The following VAV3 variants were observed in gnomAD, a reference collection of about 807,000 sequenced individuals.
VAV3 encodes vav guanine nucleotide exchange factor 3.
Under a neutral mutation model 131.2 loss-of-function variants are expected in VAV3, and 94 were observed. The ratio of observed to expected loss-of-function variants is 0.72; its 90% confidence interval spans 0.61 to 0.85. The LOEUF (loss-of-function observed/expected upper bound fraction) is 0.85. Among genes scored for constraint, VAV3 ranks in the 40% least tolerant of loss-of-function variants. VAV3 has a pLI of 0.00. For synonymous variants in VAV3, 349 were observed against 342.0 expected (o/e 1.02, Z -0.22); for missense variants, 939 against 1,002.7 (o/e 0.94, Z 0.86).
chr1:107,730,897 A>G (rs562457365), intron 15 of VAV3, among the ~76,000 whole-genome samples: 3 of 152,190 alleles, frequency 2.0e-5, no homozygotes, highest in Non-Finnish European at 4.4e-5. Context: ...AAAGCCCCAG[A>G]TTGAGATGCA....
intron 1 of VAV3, among the ~76,000 whole-genome samples, chr1:107,917,407 C>T (rs1024522856): frequency 1.3e-5 from 2 of 152,152 alleles, no homozygotes; most frequent in African/African-American, 4.8e-5. Context: ...GATAAGGGAA[C>T]TAAGATTCAA....
chr1:107,597,373 TC>T (rs1457765480), intron 24 of VAV3, among the ~76,000 whole-genome samples: 3 of 152,110 alleles, frequency 2.0e-5, no homozygotes, highest in Admixed American at 6.5e-5. Context: ...AAAAAGAGAA[TC>T]ATCAATGATT....
chr1:107,754,620 CAAT>C, intron 12 of VAV3, among the ~76,000 whole-genome samples: 1 of 152,312 alleles, frequency 6.6e-6, no homozygotes, highest in East Asian at 1.9e-4. Flanking sequence ...ACTGCAGTCA[CAAT>C]AAAATCCCAA....
intron 12 of VAV3, among the ~76,000 whole-genome samples, chr1:107,753,530 A>G (rs937588678): frequency 1.4e-4 from 10 of 73,020 alleles, no homozygotes; most frequent in South Asian, 7.6e-4. Flanking sequence ...ATATATACGT[A>G]TATATATATA....
chr1:107,941,898 A>T (rs1276446884), intron 1 of VAV3, among the ~76,000 whole-genome samples: 1 of 152,294 alleles, frequency 6.6e-6, no homozygotes, highest in East Asian at 1.9e-4. Flanking sequence ...TATTTAAATA[A>T]ATCTTGTCAA....
At chr1:107,736,436 C>A (rs1662641089) in intron 15 of VAV3, among the ~76,000 whole-genome samples, 2 of 152,144 alleles carry the variant, frequency 1.3e-5, no homozygotes, top group South Asian at 4.1e-4. Context: ...TTGCAGATGA[C>A]ACGATTGTAT....
At chr1:107,636,291 A>G (rs2101449537) in intron 20 of VAV3, among the ~76,000 whole-genome samples, 1 of 152,332 alleles carries the variant, frequency 6.6e-6, no homozygotes, top group East Asian at 1.9e-4. Flanking sequence ...GAAACTCCAC[A>G]GTGGAGATGG....
chr1:107,658,965 T>C (rs998542322), intron 19 of VAV3, among the ~76,000 whole-genome samples: 1 of 152,182 alleles, frequency 6.6e-6, no homozygotes, highest in African/African-American at 2.4e-5. Flanking sequence ...TAGATCCCAT[T>C]TGTCAATTTT....
At chr1:107,839,029 A>G (rs1012402448) in intron 2 of VAV3, among the ~76,000 whole-genome samples, 3 of 152,120 alleles carry the variant, frequency 2.0e-5, no homozygotes, top group African/African-American at 7.2e-5. Context: ...ATTCCTTTGT[A>G]CTCTAAATCT....
intron 19 of VAV3, among the ~76,000 whole-genome samples, chr1:107,643,552 A>G (rs947268121): frequency 1.3e-5 from 2 of 152,156 alleles, no homozygotes; most frequent in African/African-American, 4.8e-5. Flanking sequence ...CCCAACTAAG[A>G]GAGGTCCACT....
intron 1 of VAV3, among the ~76,000 whole-genome samples, chr1:107,902,402 A>G (rs1373557637): frequency 6.6e-6 from 1 of 152,234 alleles, no homozygotes; most frequent in African/African-American, 2.4e-5. Flanking sequence ...ATTTGTCTAC[A>G]TATGATGATT....
At chr1:107,729,876 A>G (rs754855864) in intron 15 of VAV3, among the ~76,000 whole-genome samples, 2 of 152,248 alleles carry the variant, frequency 1.3e-5, no homozygotes, top group Non-Finnish European at 2.9e-5. Flanking sequence ...ATTTTATTTT[A>G]GAGATCATTA....
At chr1:107,621,897 G>A (rs1009214837) in intron 20 of VAV3, among the ~76,000 whole-genome samples, 7 of 152,062 alleles carry the variant, frequency 4.6e-5, no homozygotes, top group African/African-American at 1.7e-4. Flanking sequence ...ACTATGTGAT[G>A]AGACTTTTGT....
intron 1 of VAV3, among the ~76,000 whole-genome samples, chr1:107,917,981 TAATAG>T (rs1344908329): frequency 3.3e-5 from 5 of 152,194 alleles, no homozygotes; most frequent in Non-Finnish European, 7.3e-5. Flanking sequence ...AAAAGGGTAG[TAATAG>T]AATAGAATAA....
intron 2 of VAV3, among the ~76,000 whole-genome samples, chr1:107,825,144 T>C (rs965325732): frequency 2.0e-5 from 3 of 152,180 alleles, no homozygotes; most frequent in Non-Finnish European, 4.4e-5. Context: ...GCAGATACTA[T>C]ATGGCCGAAC....
At chr1:107,907,253 A>C (rs1296676135) in intron 1 of VAV3, among the ~76,000 whole-genome samples, 1 of 152,230 alleles carries the variant, frequency 6.6e-6, no homozygotes, top group East Asian at 1.9e-4. Flanking sequence ...AGAGCAAATC[A>C]CTGATATAAG....
In VAV3 at chr1:107,669,208, A is replaced by G. The variant is rs554336321; in HGVS notation, c.1777+14280T>C. 15 of 1,159,284 alleles carry G rather than the reference A, an allele frequency of 1.3e-5. No homozygotes were observed. The African/African-American group carries it at 2.3e-4, about 18-fold the overall frequency. The allele number at this position is 1,159,284 out of a possible 1,614,324, so 71.8% of individuals were successfully genotyped here. On this transcript the variant is annotated intron_variant, in intron 19 of 26. Coordinates refer to ENST00000370056, the MANE Select transcript of VAV3 (RefSeq NM_006113.5). ...CACTCTGCTCAAAGTCTTCTTTCCA[A>G]AGTACTTTGAATTAAAACATGAAGT...
At chr1:107,894,935 G>A (rs1436448360) in intron 1 of VAV3, among the ~76,000 whole-genome samples, 1 of 152,190 alleles carries the variant, frequency 6.6e-6, no homozygotes, top group Non-Finnish European at 1.5e-5. Flanking sequence ...AGGCAGTCAT[G>A]TTTGCTTTAA....
chr1:107,854,014 T>C (rs1044214899), intron 2 of VAV3, among the ~76,000 whole-genome samples: 11 of 152,116 alleles, frequency 7.2e-5, no homozygotes, highest in Non-Finnish European at 1.6e-4. Context: ...TCACTATGAA[T>C]AATTATGCTA....
Sources: gnomAD v4.1 joint callset for allele counts (sites outside exome capture counted in the v4.1 genomes callset) on GRCh38, gnomAD v4.1.1 for gene constraint, MANE v1.5 for transcripts, NCBI Gene and HGNC (gene_info 2026-07-23, HGNC 2026-07-21) for gene names.